TNC: variants seen among roughly 807,000 people sequenced by gnomAD.
TNC encodes tenascin C, also known as tenascin.
Under a neutral mutation model 202.4 loss-of-function variants are expected in TNC, and 109 were observed. The observed-to-expected ratio is 0.54, with a 90% CI of 0.46 to 0.63. TNC has a LOEUF of 0.63. Among genes scored for constraint, TNC ranks in the 30% least tolerant of loss-of-function variants. TNC has a pLI of 0.00. For synonymous variants in TNC, 1,007 were observed against 1,089.7 expected, an observed-to-expected ratio of 0.92 and a Z score of 1.50; for missense variants, 2,756 against 2,833.3, an observed-to-expected ratio of 0.97 and a Z score of 0.62.
intron 9 of TNC, 79 bp from the exon 10 acceptor site, chr9:115,073,945 T>C (rs1217068581): frequency 4.9e-5 from 71 of 1,451,762 alleles, no homozygotes; most frequent in Non-Finnish European, 6.4e-5. Context: ...CAACTGCATC[T>C]GGGCTGGAAT....
chr9:115,085,941 T>G lies in TNC; in HGVS notation c.1790A>C (p.Asp597Ala). The change falls in exon 3 of 28, where the codon GAC (aspartate) becomes GCC (alanine). Residue 597 changes from aspartate to alanine, a missense_variant. Asp to Ala is a moderately radical substitution (Grantham distance 126). Coordinates refer to ENST00000350763, the MANE Select transcript of TNC (RefSeq NM_002160.4). ...GACGCATTGTCCTAAGTTGTTGCAG[T>G]CACTGGGGCAGGAGTGCTGGCCACA... ...LDCGQHSCPS[D>A]CNNLGQCVSG... The G allele has an allele frequency of 6.2e-7, 1 of 1,614,016 alleles. No homozygotes were observed. The highest frequency in any genetic ancestry group is 8.5e-7 in the Non-Finnish European group (1 of 1,179,918).
In TNC at chr9:115,030,265, C is replaced by T. The variant is rs779375139; in HGVS notation, c.6061G>A (p.Gly2021Ser). Residue 2021 changes from glycine (G) to serine (S), a missense_variant, in exon 24 of 28, where the codon GGT becomes AGT. Physicochemically the swap from Gly to Ser is moderately conservative, Grantham distance 56. This residue lies in a region of TNC where 197 missense variants were observed against 287.3 expected (regional missense o/e 0.69). Coordinates refer to ENST00000350763, the MANE Select transcript of TNC (RefSeq NM_002160.4). ...EVFCDMTSDG[G>S]GWIVFLRRKN... The stretch of plus-strand genomic sequence containing the variant: ...CTGGTGGTACTCACAATCCATCCAC[C>T]CCCATCAGAGGTCATGTCACAGAAG... The T allele has an allele frequency of 6.2e-7, 1 of 1,611,176 alleles. No individual in the cohort carries two copies. Among genetic ancestry groups the T allele is most frequent in the Admixed American group, 1.7e-5 (1 of 59,962 alleles).
rs1464840430 is a variant in TNC at position 115,084,477 on chromosome 9, C to A, written c.1868-5G>T. On this transcript the variant is annotated splice_region_variant and splice_polypyrimidine_tract_variant and intron_variant, in intron 3 of 27. Coordinates refer to ENST00000350763, the MANE Select transcript of TNC (RefSeq NM_002160.4). ...CGAGGTCTTTGGGAGGAGACACTGG[C>A]AGGAATAAGAAAGGACATCTGGTGT... 6 of 1,613,270 alleles carry A rather than the reference C, an allele frequency of 3.7e-6. No individual in the cohort carries two copies. The highest frequency in any genetic ancestry group is 1.7e-5 in the Admixed American group (1 of 59,974).
chr9:115,052,128 T>C (rs1427319414), intron 15 of TNC, among the ~76,000 whole-genome samples: 1 of 150,850 alleles, frequency 6.6e-6, no homozygotes, highest in Non-Finnish European at 1.5e-5. Context: ...TTTATAGCCT[T>C]AAAAAAGAGG....
intron 6 of TNC, among the ~76,000 whole-genome samples, chr9:115,080,045 G>C (rs1163160239): frequency 6.6e-6 from 1 of 152,228 alleles, no homozygotes; most frequent in Non-Finnish European, 1.5e-5. Flanking sequence ...TGGATCACTT[G>C]AGATCAGGAG....
chr9:115,113,619 G>C (rs1399416084), intron 1 of TNC, among the ~76,000 whole-genome samples: 1 of 152,144 alleles, frequency 6.6e-6, no homozygotes, highest in Non-Finnish European at 1.5e-5. Context: ...CTGGCTCTTG[G>C]TATAGGGTAT....
In TNC at chr9:115,029,348, G is replaced by A. The variant is rs762297081; in HGVS notation, c.6169+12C>T. On this transcript the variant is annotated intron_variant, in intron 25 of 27. Coordinates refer to ENST00000350763, the MANE Select transcript of TNC (RefSeq NM_002160.4). ...CAGGCATTTTAGATATAAACATGCA[G>A]GGCTGCATTACCAAGCCAGAATTCT... is the stretch of plus-strand genomic sequence containing the variant. 2.5e-6 allele frequency: 4 copies of A among 1,612,728 alleles called. No homozygotes were observed. The African/African-American group carries it at 5.3e-5, about 22-fold the overall frequency.
At chr9:115,032,796 A>G (rs1262266366) in intron 22 of TNC, among the ~76,000 whole-genome samples, 1 of 152,208 alleles carries the variant, frequency 6.6e-6, no homozygotes, top group African/African-American at 2.4e-5. Flanking sequence ...AACTCTAACT[A>G]CACTTGTAGT....
chr9:115,055,907 T>C (rs1168808549), intron 15 of TNC, among the ~76,000 whole-genome samples: 3 of 152,228 alleles, frequency 2.0e-5, no homozygotes, highest in Non-Finnish European at 2.9e-5. Flanking sequence ...GTTTGAGCCA[T>C]GAGAAACAAA....
At chr9:115,068,577 C>A (rs941006218) in intron 10 of TNC, among the ~76,000 whole-genome samples, 3 of 152,158 alleles carry the variant, frequency 2.0e-5, no homozygotes, top group Admixed American at 6.5e-5. Flanking sequence ...AAATGAGAAG[C>A]CTTGGCTGCC....
intron 25 of TNC, among the ~76,000 whole-genome samples, chr9:115,027,888 C>T (rs369746594): frequency 6.6e-6 from 1 of 152,084 alleles, no homozygotes; most frequent in East Asian, 1.9e-4. Flanking sequence ...TTTATCCATG[C>T]GAGGTGGTGA....
chr9:115,055,400 G>A (rs1048714910), intron 15 of TNC: 5 of 152,702 alleles, frequency 3.3e-5, no homozygotes, highest in Admixed American at 3.3e-4. Context: ...AGGGTGAAAA[G>A]TGGGTAGCGG....
At position 115,081,767 on chromosome 9, in the gene TNC, C is replaced by G; in HGVS notation, c.2404+5G>C. 1.2e-6 allele frequency: 2 copies of G among 1,613,934 alleles called. No individual in the cohort carries two copies. The highest frequency in any genetic ancestry group is 1.7e-6 in the Non-Finnish European group (2 of 1,179,900). ...CATTCTATAAGTATTAAAGGTGATACTCACGTGTGGTGGTCACCCTCTTCA... is the reference window on the plus strand; with the variant it reads ...CATTCTATAAGTATTAAAGGTGATAGTCACGTGTGGTGGTCACCCTCTTCA... On this transcript the variant is annotated splice_donor_5th_base_variant and intron_variant, in intron 6 of 27. Transcript: ENST00000350763.
At chr9:115,112,006 A>G (rs1405374567) in intron 1 of TNC, among the ~76,000 whole-genome samples, 1 of 152,196 alleles carries the variant, frequency 6.6e-6, no homozygotes, top group East Asian at 1.9e-4. Context: ...AGAAACCATG[A>G]GATAATAAAT....
At chr9:115,080,176 G>A (rs963057881) in intron 6 of TNC, among the ~76,000 whole-genome samples, 3 of 152,122 alleles carry the variant, frequency 2.0e-5, no homozygotes, top group African/African-American at 7.2e-5. Flanking sequence ...ATGTTGGAAT[G>A]TTTGTTCTAA....
chr9:115,023,884 C>T (rs1829275009), intron 27 of TNC, 89 bp downstream of exon 27: 5 of 1,428,864 alleles, frequency 3.5e-6, no homozygotes, highest in Non-Finnish European at 4.8e-6. Flanking sequence ...CTCCTAGTCT[C>T]TGCTAGGATA....
intron 14 of TNC, among the ~76,000 whole-genome samples, chr9:115,058,535 G>A (rs1216159103): frequency 6.6e-6 from 1 of 152,200 alleles, no homozygotes; most frequent in Non-Finnish European, 1.5e-5. Context: ...GAAAAAGGAG[G>A]TCCGGGTGCC....
In TNC at chr9:115,085,910, G is replaced by C; in HGVS notation, c.1821C>G (p.Gly607=). The C allele has an allele frequency of 6.2e-7, 1 of 1,612,992 alleles. No individual in the cohort carries two copies. Among genetic ancestry groups the C allele is most frequent in the Non-Finnish European group, 8.5e-7 (1 of 1,179,124 alleles). The change falls in exon 3 of 28, where the codon GGC becomes GGG. Residue 607 remains glycine (G), a synonymous_variant. Transcript: ENST00000350763. The part of the protein sequence containing the change: ...DCNNLGQCVS[G]RCICNEGYSG... ...TGTAGCCCTCGTTGCAGATGCAGCGGCCCGAGACGCATTGTCCTAAGTTGT... is the reference window on the plus strand; with the variant it reads ...TGTAGCCCTCGTTGCAGATGCAGCGCCCCGAGACGCATTGTCCTAAGTTGT...
At chr9:115,098,396 C>A (rs1177260684) in intron 1 of TNC, among the ~76,000 whole-genome samples, 3 of 152,272 alleles carry the variant, frequency 2.0e-5, no homozygotes, top group Non-Finnish European at 4.4e-5. Flanking sequence ...TGGTAGCTAA[C>A]CTTTTGGAAG....
Sources: gnomAD v4.1 joint callset for allele counts (sites outside exome capture counted in the v4.1 genomes callset) on GRCh38, gnomAD v4.1.1 for gene constraint, gnomAD v4.1.1 regional missense constraint, MANE v1.5 for transcripts, NCBI Gene and HGNC (gene_info 2026-07-23, HGNC 2026-07-21) for gene names.